The following KIAA2012 variants were observed in gnomAD, a reference collection of about 807,000 sequenced individuals.
KIAA2012 encodes uncharacterized protein KIAA2012.
In KIAA2012, 125 loss-of-function variants were observed where a neutral mutation model predicts 150.6. The observed-to-expected ratio is 0.83, with a 90% CI of 0.72 to 0.96. The LOEUF is 0.96. Ranked by LOEUF, KIAA2012 falls within the 40% of genes least tolerant of loss-of-function variation. The probability of loss-of-function intolerance (pLI) is 0.00; values close to 1 mark genes in which losing one functional copy is unlikely to be tolerated. For missense variants in KIAA2012, 1,219 were observed against 1,354.9 expected (o/e 0.90, Z 1.57); for synonymous variants, 462 against 504.7 (o/e 0.92, Z 1.13).
chr2:202,095,500 C>T (rs1323968295), intron 4 of KIAA2012, among the ~76,000 whole-genome samples: 3 of 152,200 alleles, frequency 2.0e-5, no homozygotes, highest in African/African-American at 7.2e-5. Context: ...CAGAGCTACT[C>T]CAATGCACAT....
intron 15 of KIAA2012, among the ~76,000 whole-genome samples, chr2:202,172,004 G>A (rs936353680): frequency 3.9e-5 from 6 of 152,014 alleles, no homozygotes; most frequent in Non-Finnish European, 5.9e-5. Context: ...CTGCCACCAC[G>A]CCCTGCTAAT....
chr2:202,082,291 G>A (rs1313090409), intron 2 of KIAA2012, among the ~76,000 whole-genome samples: 1 of 152,068 alleles, frequency 6.6e-6, no homozygotes, highest in Non-Finnish European at 1.5e-5. Context: ...AGAGATCGAG[G>A]CTACAGTGAG....
Position 202,194,354 on chromosome 2 carries a change from A to G in KIAA2012, c.3179A>G (p.Glu1060Gly). The stretch of plus-strand genomic sequence containing the variant: ...AGAAAAAAGCAGCAGGAGGAAGCCG[A>G]GAGGGCCGGTGAGGGGGTTCTTGAG... Reference protein sequence around the residue: ...LQRKKQQEEAERAEAEKQRQE... With the variant: ...LQRKKQQEEAGRAEAEKQRQE... The change falls in exon 21 of 24, where the codon GAG becomes GGG. Residue 1060 changes from glutamate to glycine, a missense_variant. By Grantham distance (98) the Glu-to-Gly change is moderately conservative. Coordinates refer to ENST00000498697, the MANE Select transcript of KIAA2012 (RefSeq NM_001277372.4). 6.5e-7 allele frequency: 1 copy of G among 1,549,866 alleles called. No homozygotes were observed. The highest frequency in any genetic ancestry group is 8.7e-7 in the Non-Finnish European group (1 of 1,146,992).
At chr2:202,105,548 T>C (rs184688115) in intron 8 of KIAA2012, among the ~76,000 whole-genome samples, 1 of 152,298 alleles carries the variant, frequency 6.6e-6, no homozygotes, top group East Asian at 1.9e-4. Flanking sequence ...ACTTGGGCCA[T>C]GTGCCCACCC....
Position 202,194,272 on chromosome 2 carries a change from C to G in KIAA2012, c.3097C>G (p.Gln1033Glu), listed in dbSNP as rs1389189892. 3 of 1,550,470 alleles carry G rather than the reference C, an allele frequency of 1.9e-6. No individual in the cohort carries two copies. The African/African-American group carries it at 4.1e-5, about 21-fold the overall frequency. The stretch of plus-strand genomic sequence containing the variant: ...GCAGCAGCTCCGGTTGAAAGCAGCC[C>G]AGGAGAGAGCCCGGCAACAGCAAGA... Reference protein sequence around the residue: ...RKQQLRLKAAQERARQQQEEF... With the variant: ...RKQQLRLKAAEERARQQQEEF... The change falls in exon 21 of 24, where the codon CAG becomes GAG. Residue 1033 changes from glutamine to glutamate, a missense_variant. Transcript: ENST00000498697.
At chr2:202,198,250 C>T (rs1441121091) in intron 22 of KIAA2012, among the ~76,000 whole-genome samples, 1 of 149,124 alleles carries the variant, frequency 6.7e-6, no homozygotes, top group Non-Finnish European at 1.5e-5. Flanking sequence ...CAGGGCAAGA[C>T]CTCTCAAAAG....
intron 19 of KIAA2012, among the ~76,000 whole-genome samples, chr2:202,192,388 GT>G (rs1387331380): frequency 6.6e-6 from 1 of 151,030 alleles, no homozygotes; most frequent in Non-Finnish European, 1.5e-5. Flanking sequence ...GGAAAGGTGA[GT>G]TTCTGTGGGA....
intron 15 of KIAA2012, chr2:202,178,719 G>A (rs368529814): frequency 1.3e-5 from 2 of 156,188 alleles, no homozygotes; most frequent in East Asian, 3.8e-4. Context: ...TATTATCCAA[G>A]ACAAAATAAA....
chr2:202,157,087 C>T (rs954114448), intron 14 of KIAA2012, among the ~76,000 whole-genome samples: 1 of 152,152 alleles, frequency 6.6e-6, no homozygotes, highest in Non-Finnish European at 1.5e-5. Context: ...ACAGAAATGG[C>T]AACTCAGCCT....
rs549818156 is a variant in KIAA2012 at position 202,118,241 on chromosome 2, C to A, written c.1762+4795C>A. Among the ~76,000 whole-genome samples, 23 of 152,132 alleles carry A rather than the reference C, an allele frequency of 1.5e-4. No homozygotes were observed. In the South Asian group the frequency reaches 4.8e-3, roughly 32 times the overall value. ...TGTGCCTTTTCAGTGTTTTTCATAA[C>A]CCTCATGAGAAATAATGTTGGCAGG... On this transcript the variant is annotated intron_variant, in intron 11 of 23. Transcript: ENST00000498697.
intron 13 of KIAA2012, among the ~76,000 whole-genome samples, chr2:202,148,279 C>T (rs1691342909): frequency 1.3e-5 from 2 of 152,076 alleles, no homozygotes; most frequent in South Asian, 4.1e-4. Context: ...TGGAGGTTGC[C>T]ATGTTTCTCT....
intron 12 of KIAA2012, among the ~76,000 whole-genome samples, chr2:202,133,977 G>C (rs759775155): frequency 6.7e-6 from 1 of 149,286 alleles, no homozygotes; most frequent in East Asian, 1.9e-4. Context: ...TTTATACTGG[G>C]GAGAATTTTT....
rs1691931496 is a variant in KIAA2012 at position 202,173,325 on chromosome 2, T to G, written c.2119+7969T>G. On this transcript the variant is annotated intron_variant, in intron 15 of 23. Coordinates refer to ENST00000498697, the MANE Select transcript of KIAA2012 (RefSeq NM_001277372.4). ...TCACTCACGCCGGTAATCCCAGCAC[T>G]ATGGGAGGCCAAGGCGAGCGGATCA... is the stretch of plus-strand genomic sequence containing the variant. 3.9e-5 allele frequency among the ~76,000 whole-genome samples: 6 copies of G among 152,290 alleles called. No homozygotes were observed. The South Asian group carries it at 1.2e-3, about 32-fold the overall frequency.
rs1044133472 is a variant in KIAA2012, at chr2:202,183,158, G to C, written c.2120-1595G>C. 3.3e-5 allele frequency among the ~76,000 whole-genome samples: 5 copies of C among 152,216 alleles called. No individual in the cohort carries two copies. The East Asian group carries it at 9.6e-4, about 29-fold the overall frequency. Reference sequence around the variant, plus strand: ...TTTTTGGCCAGGCATGGTGCTTCATGCCTGTGATCCCAGCACTTTTGGAAG... The same window carrying C: ...TTTTTGGCCAGGCATGGTGCTTCATCCCTGTGATCCCAGCACTTTTGGAAG... On this transcript the variant is annotated intron_variant, in intron 15 of 23. Coordinates refer to ENST00000498697, the MANE Select transcript of KIAA2012 (RefSeq NM_001277372.4).
At chr2:202,121,737 C>T (rs1482056437) in intron 11 of KIAA2012, among the ~76,000 whole-genome samples, 1 of 152,198 alleles carries the variant, frequency 6.6e-6, no homozygotes, top group Non-Finnish European at 1.5e-5. Flanking sequence ...CAAAGCTCCA[C>T]CCCAGGCACT....
intron 15 of KIAA2012, among the ~76,000 whole-genome samples, chr2:202,173,916 A>G (rs1469075855): frequency 6.6e-6 from 1 of 152,224 alleles, no homozygotes; most frequent in Non-Finnish European, 1.5e-5. Context: ...TGAAAAACCT[A>G]TAGTAAACAT....
Position 202,074,922 on chromosome 2 carries a change from A to G in KIAA2012, c.116A>G (p.Tyr39Cys). The G allele has an allele frequency of 6.4e-7, 1 of 1,550,594 alleles. No homozygotes were observed. Among genetic ancestry groups the G allele is most frequent in the Non-Finnish European group, 8.7e-7 (1 of 1,146,966 alleles). The part of the protein sequence containing the change: ...DYLNWRSPED[Y>C]VPVSKPQDKN... ...TTGAACTGGAGGTCCCCAGAAGACT[A>G]TGTTCCTGTCAGCAAACCTCAAGAT... The change falls in exon 2 of 24, where the codon TAT (tyrosine) becomes TGT (cysteine). Residue 39 changes from tyrosine (Y) to cysteine (C), a missense_variant. Transcript: ENST00000498697.
chr2:202,096,027 T>C (rs970885801), intron 4 of KIAA2012, among the ~76,000 whole-genome samples: 2 of 152,046 alleles, frequency 1.3e-5, no homozygotes, highest in Non-Finnish European at 2.9e-5. Context: ...GAGGTTGCAG[T>C]GAGCCAAGAT....
intron 13 of KIAA2012, among the ~76,000 whole-genome samples, chr2:202,139,090 A>G (rs866881772): frequency 5.0e-4 from 76 of 152,000 alleles, no homozygotes; most frequent in African/African-American, 1.8e-3. Context: ...AAAATACAAA[A>G]ATTAGCCGGG....
Sources: gnomAD v4.1 joint callset for allele counts (sites outside exome capture counted in the v4.1 genomes callset) on GRCh38, gnomAD v4.1.1 for gene constraint, MANE v1.5 for transcripts, NCBI Gene and HGNC (gene_info 2026-07-23, HGNC 2026-07-21) for gene names.